The following RNF6 variants were observed in gnomAD, a reference collection of about 807,000 sequenced individuals.
RNF6 encodes E3 ubiquitin-protein ligase RNF6.
A neutral mutation model predicts 50.1 loss-of-function variants in RNF6; 21 were observed. That is an observed-to-expected ratio of 0.42 (90% CI 0.30 to 0.60). The LOEUF (loss-of-function observed/expected upper bound fraction) is 0.60, where lower values mean the gene tolerates loss of function less well. RNF6 is among the 20% of genes least tolerant of loss of function. The probability of loss-of-function intolerance (pLI) is 0.20; values close to 1 mark genes in which losing one functional copy is unlikely to be tolerated. For synonymous variants in RNF6, 255 were observed against 291.8 expected, an observed-to-expected ratio of 0.87 and a Z score of 1.29; for missense variants, 698 against 838.2, an observed-to-expected ratio of 0.83 and a Z score of 2.07.
chr13:26,136,764 C>G lies in RNF6; in HGVS notation n.769-4313G>C, dbSNP rs73158235. 8.4e-3 allele frequency among the ~76,000 whole-genome samples: 1,281 copies of G among 152,214 alleles called. 12 individuals are homozygous for G. Among genetic ancestry groups the G allele is most frequent in the Non-Finnish European group, 0.01 (687 of 68,006 alleles). On this transcript the variant is annotated intron_variant and non_coding_transcript_variant, in intron 5 of 5. Transcript: ENST00000468480. ...ATCTAATATCAAAAATATGGCCTCA[C>G]TGGGGAGGCCAGTGATATGATAAAG...
intron 5 of RNF6, among the ~76,000 whole-genome samples, chr13:26,186,153 G>C (rs898184216): frequency 3.9e-5 from 6 of 152,188 alleles, no homozygotes; most frequent in Admixed American, 3.9e-4. Flanking sequence ...TTCATCACCC[G>C]CCTCGCGGCC....
intron 5 of RNF6, among the ~76,000 whole-genome samples, chr13:26,163,776 G>A (rs1872323170): frequency 6.6e-6 from 1 of 152,152 alleles, no homozygotes; most frequent in Non-Finnish European, 1.5e-5. Context: ...TGTAACTAGA[G>A]GCTCTGGGTA....
At chr13:26,178,101 A>T (rs186176579) in intron 5 of RNF6, among the ~76,000 whole-genome samples, 1 of 152,312 alleles carries the variant, frequency 6.6e-6, no homozygotes, top group Non-Finnish European at 1.5e-5. Flanking sequence ...AGGTGGGAGA[A>T]TCGCTTGAAC....
At chr13:26,156,107 A>T (rs1033611789) in intron 5 of RNF6, among the ~76,000 whole-genome samples, 1 of 152,256 alleles carries the variant, frequency 6.6e-6, no homozygotes, top group East Asian at 1.9e-4. Flanking sequence ...AACCTAACTT[A>T]AAAGAAATAT....
intron 5 of RNF6, among the ~76,000 whole-genome samples, chr13:26,206,260 A>T (rs191134656): frequency 7.8e-4 from 115 of 148,094 alleles, no homozygotes; most frequent in African/African-American, 2.6e-3. Flanking sequence ...AGATGGATGC[A>T]GTGAGAGACA....
At chr13:26,157,286 A>G (rs1435176492) in intron 5 of RNF6, among the ~76,000 whole-genome samples, 1 of 152,156 alleles carries the variant, frequency 6.6e-6, no homozygotes, top group Non-Finnish European at 1.5e-5. Context: ...ATTTTAAAAA[A>G]TGAAACTAGA....
intron 5 of RNF6, among the ~76,000 whole-genome samples, chr13:26,185,403 TATAA>T (rs1235157661): frequency 1.3e-5 from 2 of 152,198 alleles, no homozygotes; most frequent in African/African-American, 2.4e-5. Context: ...TTTTATAACT[TATAA>T]ATAAATACAT....
At chr13:26,178,004 G>A (rs1229405092) in intron 5 of RNF6, among the ~76,000 whole-genome samples, 2 of 152,096 alleles carry the variant, frequency 1.3e-5, no homozygotes, top group Non-Finnish European at 2.9e-5. Flanking sequence ...TGGCCAACAT[G>A]GTGAAACCCC....
At chr13:26,205,098 A>G (rs1869056109) in intron 5 of RNF6, among the ~76,000 whole-genome samples, 1 of 152,202 alleles carries the variant, frequency 6.6e-6, no homozygotes, top group Non-Finnish European at 1.5e-5. Flanking sequence ...CAGATAGACC[A>G]TGGCTCATCA....
intron 5 of RNF6, among the ~76,000 whole-genome samples, chr13:26,175,252 TG>T (rs1872898427): frequency 6.6e-6 from 1 of 152,116 alleles, no homozygotes; most frequent in Non-Finnish European, 1.5e-5. Flanking sequence ...GGCTAATTTT[TG>T]TAGATTTAGT....
chr13:26,197,843 G>C (rs530313740), intron 5 of RNF6, among the ~76,000 whole-genome samples: 1 of 151,766 alleles, frequency 6.6e-6, no homozygotes, highest in Non-Finnish European at 1.5e-5. Flanking sequence ...GGCTAACATG[G>C]TGAAACCCCG....
rs139340455 is a variant in RNF6 at position 26,159,206 on chromosome 13, C to T, written n.769-26755G>A. On this transcript the variant is annotated intron_variant and non_coding_transcript_variant, in intron 5 of 5. Transcript: ENST00000468480. ...CATAAAATTCAGGGACATTATATTG[C>T]CTTTGAGCCAAAATGTTCACAAAAT... Among the ~76,000 whole-genome samples, 875 of 152,062 alleles carry T rather than the reference C, an allele frequency of 5.8e-3. 6 individuals are homozygous for T. The highest frequency in any genetic ancestry group is 0.02 in the African/African-American group (835 of 41,466).
At chr13:26,139,505 T>G (rs916829226) in intron 5 of RNF6, among the ~76,000 whole-genome samples, 1 of 152,148 alleles carries the variant, frequency 6.6e-6, no homozygotes. Context: ...GTGTCACCAC[T>G]CAGTCACCTC....
At chr13:26,145,332 C>T (rs1871167827) in intron 5 of RNF6, among the ~76,000 whole-genome samples, 1 of 151,772 alleles carries the variant, frequency 6.6e-6, no homozygotes, top group Non-Finnish European at 1.5e-5. Context: ...ACTTCTGCAT[C>T]TTTCAAGTCC....
chr13:26,211,742 A>G (rs1869335445), downstream of RNF6, among the ~76,000 whole-genome samples: 1 of 152,186 alleles, frequency 6.6e-6, no homozygotes, highest in African/African-American at 2.4e-5. Flanking sequence ...TGGGCAACAG[A>G]GTGAGACTCT....
At chr13:26,218,177 A>G (rs1870092089) in intron 4 of RNF6, among the ~76,000 whole-genome samples, 2 of 152,240 alleles carry the variant, frequency 1.3e-5, no homozygotes, top group South Asian at 4.1e-4. Context: ...ACGGTTCTGT[A>G]TATAAATTTT....
intron 5 of RNF6, among the ~76,000 whole-genome samples, chr13:26,151,448 A>T (rs1871584118): frequency 6.6e-6 from 1 of 152,018 alleles, no homozygotes; most frequent in Non-Finnish European, 1.5e-5. Flanking sequence ...TTTTCAGTAG[A>T]GACAGGGTTT....
chr13:26,195,820 A>C (rs1255579488), intron 5 of RNF6, among the ~76,000 whole-genome samples: 2 of 152,132 alleles, frequency 1.3e-5, no homozygotes, highest in African/African-American at 2.4e-5. Context: ...ACATACATAC[A>C]ATTTTACACA....
chr13:26,173,617 TG>T (rs760872111), intron 5 of RNF6, among the ~76,000 whole-genome samples: 5 of 151,928 alleles, frequency 3.3e-5, no homozygotes, highest in Non-Finnish European at 5.9e-5. Context: ...TTGCAGGGGT[TG>T]GGGGCAGAAG....
Sources: gnomAD v4.1 joint callset for allele counts (sites outside exome capture counted in the v4.1 genomes callset) on GRCh38, gnomAD v4.1.1 for gene constraint, MANE v1.5 for transcripts, NCBI Gene and HGNC (gene_info 2026-07-23, HGNC 2026-07-21) for gene names.